CCDC57: variants seen among roughly 807,000 people sequenced by gnomAD.
CCDC57 encodes coiled-coil domain containing 57, also known as coiled-coil domain-containing protein 57.
A neutral mutation model predicts 118.9 loss-of-function variants in CCDC57; 118 were observed. The ratio of observed to expected loss-of-function variants is 0.99; its 90% CI spans 0.86 to 1.16. CCDC57 has a LOEUF of 1.16. Among genes scored for constraint, CCDC57 ranks in the 50% most tolerant of loss-of-function variants. CCDC57 has a pLI of 0.00. For missense variants in CCDC57, 1,300 were observed against 1,320.7 expected (o/e 0.98, Z 0.24); for synonymous variants, 527 against 532.9 (o/e 0.99, Z 0.15).
In CCDC57 at chr17:82,205,064, C is replaced by T. The variant is rs905399416; in HGVS notation, c.-9+2783G>A. Among the ~76,000 whole-genome samples the T allele has an allele frequency of 7.8e-4, 118 of 152,194 alleles. 9 individuals are homozygous for T. Among genetic ancestry groups the T allele is most frequent in the Non-Finnish European group, 8.8e-5 (6 of 68,046 alleles). ...GTCCCACTGTCTGGCACAGTCTTGG[C>T]GACTGAAACATTTTGTACACAGAGG... is the stretch of plus-strand genomic sequence containing the variant. On this transcript the variant is annotated intron_variant, in intron 2 of 19. Transcript: ENST00000665763.
At chr17:82,125,290 C>A (rs943784959) in intron 19 of CCDC57, among the ~76,000 whole-genome samples, 4 of 152,098 alleles carry the variant, frequency 2.6e-5, no homozygotes, top group Admixed American at 6.6e-5. Context: ...GCAGTCTCAG[C>A]ACTTTGGGAG....
intron 2 of CCDC57, among the ~76,000 whole-genome samples, chr17:82,203,700 C>T (rs777497611): frequency 3.3e-5 from 5 of 152,144 alleles, no homozygotes; most frequent in Admixed American, 1.3e-4. Context: ...AGTATGAGCT[C>T]GATTTGGACA....
In CCDC57 at chr17:82,201,580, A is replaced by AACT. The variant is rs778957815; in HGVS notation, c.364_365insAGT (p.Gln121dup). On this transcript the variant is annotated inframe_insertion, in exon 3 of 20. Transcript: ENST00000665763. ...CTCCAGGCGATGCTCCTGGAATGCC[A>AACT]GCTGCTGCTGCTGCTGCAGCTCCTC... is the stretch of plus-strand genomic sequence containing the variant. 30 of 1,611,988 alleles carry AACT rather than the reference A, an allele frequency of 1.9e-5. No homozygotes were observed. The African/African-American group carries it at 3.1e-4, about 16-fold the overall frequency.
intron 17 of CCDC57, 91 bp downstream of exon 16, chr17:82,133,982 G>T: frequency 2.5e-6 from 3 of 1,197,742 alleles, no homozygotes; most frequent in Non-Finnish European, 3.2e-6. Context: ...TTTTTATATT[G>T]TGTTTATTGT....
At chr17:82,177,723 G>T (rs529167347) in intron 11 of CCDC57, among the ~76,000 whole-genome samples, 2 of 152,190 alleles carry the variant, frequency 1.3e-5, no homozygotes, top group Non-Finnish European at 2.9e-5. Flanking sequence ...TTAGTGCGGG[G>T]AGGTGGGACC....
At chr17:82,155,059 G>C (rs1374781389) in intron 15 of CCDC57, 1 of 152,308 alleles carries the variant, frequency 6.6e-6, no homozygotes, top group Admixed American at 6.5e-5. Context: ...CCGAGCGCGA[G>C]TCTGTGCCGT....
chr17:82,107,907 C>T (rs2034981057), intron 19 of CCDC57, among the ~76,000 whole-genome samples: 1 of 152,138 alleles, frequency 6.6e-6, no homozygotes, highest in African/African-American at 2.4e-5. Flanking sequence ...GGGTGGGCTC[C>T]AGGGCCCAGA....
chr17:82,165,916 C>A (rs577812828), intron 13 of CCDC57, among the ~76,000 whole-genome samples: 2 of 152,126 alleles, frequency 1.3e-5, no homozygotes, highest in African/African-American at 4.8e-5. Flanking sequence ...GAAAGGCTGA[C>A]TACCTGACAA....
chr17:82,180,909 C>T (rs1305566428), intron 9 of CCDC57, among the ~76,000 whole-genome samples: 3 of 152,260 alleles, frequency 2.0e-5, no homozygotes, highest in African/African-American at 4.8e-5. Context: ...ACGGCTTTCA[C>T]AGAGCGAACG....
Position 82,102,299 on chromosome 17 carries a change from GC to G in CCDC57, c.2900-434del, listed in dbSNP as rs145705205. On this transcript the variant is annotated intron_variant, in intron 19 of 19. Transcript: ENST00000665763. The stretch of plus-strand genomic sequence containing the variant: ...CCCTACCATCTGAGACACATTGCCT[GC>G]CCCCGCCTCCCCGATGGGCCAGCAG... 9.9e-3 allele frequency among the ~76,000 whole-genome samples: 1,515 copies of G among 152,344 alleles called. 11 individuals carry two copies. The highest frequency in any genetic ancestry group is 0.014 in the Non-Finnish European group (963 of 68,032).
intron 19 of CCDC57, chr17:82,126,286 A>G (rs1203430110): frequency 3.1e-5 from 2 of 63,800 alleles, no homozygotes; most frequent in Non-Finnish European, 5.1e-5. Flanking sequence ...ATCTCAAAGG[A>G]AAAAAAAAAA....
intron 2 of CCDC57, among the ~76,000 whole-genome samples, chr17:82,204,360 T>C (rs2049353126): frequency 6.6e-6 from 1 of 152,160 alleles, no homozygotes; most frequent in South Asian, 2.1e-4. Context: ...CGTGTAATGA[T>C]CCTTGACCTC....
chr17:82,146,463 C>T (rs2040751058), intron 16 of CCDC57, among the ~76,000 whole-genome samples: 1 of 151,956 alleles, frequency 6.6e-6, no homozygotes, highest in South Asian at 2.1e-4. Context: ...CACTGCAGCC[C>T]CGACCTCCTG....
intron 16 of CCDC57, among the ~76,000 whole-genome samples, chr17:82,140,182 T>C (rs1225377831): frequency 6.6e-6 from 1 of 152,144 alleles, no homozygotes; most frequent in Non-Finnish European, 1.5e-5. Flanking sequence ...GCCTCCCCAG[T>C]TCACGCCATT....
In CCDC57 at chr17:82,140,751, G is replaced by A. The variant is rs183190348; in HGVS notation, c.2456-6557C>T. 1.0e-3 allele frequency among the ~76,000 whole-genome samples: 152 copies of A among 152,274 alleles called. 1 individual carries two copies. Among genetic ancestry groups the A allele is most frequent in the African/African-American group, 2.9e-3 (119 of 41,564 alleles). ...GCAGCCACTTGTAAGGAACCACAGC[G>A]ATGTTACAGAGCCCACATCCACGAA... On this transcript the variant is annotated intron_variant, in intron 16 of 19. Transcript: ENST00000665763.
chr17:82,126,875 C>T lies in CCDC57; in HGVS notation c.2899+817G>A, dbSNP rs546490998. The T allele has an allele frequency of 4.9e-5, 48 of 985,400 alleles. No homozygotes were observed. The Admixed American group carries it at 6.1e-4, about 13-fold the overall frequency. The allele number at this position is 985,400 out of a possible 1,614,324, so 61.0% of individuals were successfully genotyped here. On this transcript the variant is annotated intron_variant, in intron 19 of 19. Coordinates refer to ENST00000665763, the Ensembl canonical transcript of CCDC57. Reference sequence around the variant, plus strand: ...AAATGAATGAGGCACACCCTCATGACGGAAGACAGAAGCTGTAAGGTAAGA... The same window carrying T: ...AAATGAATGAGGCACACCCTCATGATGGAAGACAGAAGCTGTAAGGTAAGA...
intron 15 of CCDC57, chr17:82,157,446 T>C (rs2042809426): frequency 7.3e-7 from 1 of 1,365,708 alleles, no homozygotes; most frequent in Non-Finnish European, 9.4e-7. Flanking sequence ...ACCTTCAGTG[T>C]GTGCGTTTCC....
intron 19 of CCDC57, among the ~76,000 whole-genome samples, chr17:82,123,982 CAAAAAAAAAAA>C (rs200031813): frequency 1.6e-5 from 1 of 64,306 alleles, no homozygotes; most frequent in East Asian, 5.1e-4. Flanking sequence ...CATCCAAAAG[CAAAAAAAAAAA>C]AAAAAAAAAA....
chr17:82,150,459 G>A (rs1265125006), intron 16 of CCDC57, among the ~76,000 whole-genome samples: 2 of 133,042 alleles, frequency 1.5e-5, no homozygotes, highest in African/African-American at 2.8e-5. Context: ...CCAGAACCAG[G>A]CGCACACCCA....
Sources: allele counts gnomAD v4.1 joint callset (sites outside exome capture counted in the v4.1 genomes callset), GRCh38; gene constraint gnomAD v4.1.1; transcripts MANE v1.5; gene names NCBI Gene and HGNC (gene_info 2026-07-23, HGNC 2026-07-21).